The following GPHN variants were observed in gnomAD, a reference collection of about 807,000 sequenced individuals.
The protein encoded by GPHN is gephyrin.
GPHN carries 17 observed loss-of-function variants against 95.5 expected under a neutral mutation model. The ratio of observed to expected loss-of-function variants is 0.18; its 90% confidence interval spans 0.12 to 0.27. GPHN has a LOEUF of 0.27. GPHN is among the 10% of genes least tolerant of loss of function. The pLI is 1.00. For missense variants in GPHN, 660 were observed against 978.1 expected, an observed-to-expected ratio of 0.67 and a Z score of 4.34; for synonymous variants, 320 against 322.5, an observed-to-expected ratio of 0.99 and a Z score of 0.08.
At chr14:67,198,390 G>A in the GPHN span, 1 of 1,400,888 alleles carries the variant, frequency 7.1e-7, no homozygotes, top group East Asian at 2.3e-5. Context: ...AACTGAAAAG[G>A]ATGGTAGGAG....
the GPHN span, among the ~76,000 whole-genome samples, chr14:67,625,537 G>C: frequency 6.6e-6 from 1 of 151,634 alleles, no homozygotes; most frequent in African/African-American, 2.4e-5. Flanking sequence ...AAAATTAGCC[G>C]GGCATGGTGG....
the GPHN span, chr14:67,271,648 A>T: frequency 6.6e-6 from 1 of 152,260 alleles, no homozygotes; most frequent in Non-Finnish European, 1.5e-5. Flanking sequence ...TGTCTTGGGT[A>T]ACTGGATGGA....
At chr14:67,733,272 C>T in the GPHN span, among the ~76,000 whole-genome samples, 2 of 152,098 alleles carry the variant, frequency 1.3e-5, no homozygotes, top group Admixed American at 6.6e-5. Context: ...TGCATCTGTC[C>T]CCAGAATTCA....
the GPHN span, chr14:67,223,703 A>C: frequency 3.1e-6 from 3 of 971,206 alleles, no homozygotes; most frequent in African/African-American, 3.5e-5. Context: ...TGTATTTCTT[A>C]TTTCTTTCCA....
intron 2 of GPHN, among the ~76,000 whole-genome samples, chr14:66,708,164 A>G (rs1385613982): frequency 1.3e-5 from 2 of 152,090 alleles, no homozygotes; most frequent in East Asian, 3.9e-4. Flanking sequence ...ATAGTTCTTC[A>G]AAGGCTCAAG....
At chr14:66,598,629 G>A (rs1595168128) in intron 1 of GPHN, among the ~76,000 whole-genome samples, 1 of 152,042 alleles carries the variant, frequency 6.6e-6, no homozygotes, top group South Asian at 2.1e-4. Context: ...GGCAGATCAC[G>A]AGGTCAGGAG....
chr14:67,218,309 C>T, the GPHN span, among the ~76,000 whole-genome samples: 1 of 152,178 alleles, frequency 6.6e-6, no homozygotes, highest in Non-Finnish European at 1.5e-5. Context: ...GAGCTATGCA[C>T]CAGGGATGTG....
chr14:67,572,833 T>C, the GPHN span, among the ~76,000 whole-genome samples: 1 of 152,316 alleles, frequency 6.6e-6, no homozygotes, highest in Non-Finnish European at 1.5e-5. Context: ...CCTCCAGTCC[T>C]GCCTGGCTGA....
At chr14:67,584,045 C>T in the GPHN span, 2 of 1,613,958 alleles carry the variant, frequency 1.2e-6, no homozygotes, top group Non-Finnish European at 1.7e-6. Context: ...CAAGGATGCT[C>T]CCCTCCTGAG....
intron 13 of GPHN, among the ~76,000 whole-genome samples, chr14:67,102,186 T>G (rs984941375): frequency 3.9e-5 from 6 of 151,946 alleles, no homozygotes; most frequent in African/African-American, 1.4e-4. Flanking sequence ...CATTGTTATG[T>G]TTAAGAGGAA....
At chr14:67,372,063 G>A in the GPHN span, among the ~76,000 whole-genome samples, 1 of 151,958 alleles carries the variant, frequency 6.6e-6, no homozygotes. Flanking sequence ...CCAGGAGTTC[G>A]AGACCAGCCT....
the GPHN span, chr14:67,586,106 G>T: frequency 6.2e-7 from 1 of 1,613,614 alleles, no homozygotes; most frequent in Non-Finnish European, 8.5e-7. Context: ...AGGTAGGTCT[G>T]ACAGCTGTTA....
intron 1 of GPHN, among the ~76,000 whole-genome samples, chr14:66,680,742 T>C (rs1004433232): frequency 6.6e-6 from 1 of 152,140 alleles, no homozygotes; most frequent in African/African-American, 2.4e-5. Context: ...AAAAATATGA[T>C]TTTGTAGTTT....
the GPHN span, chr14:67,199,616 C>A: frequency 6.3e-7 from 1 of 1,586,064 alleles, no homozygotes; most frequent in Non-Finnish European, 8.7e-7. Flanking sequence ...CAAGGGTGAG[C>A]GCCATGGCTT....
intron 2 of GPHN, among the ~76,000 whole-genome samples, chr14:66,761,369 A>G (rs961133790): frequency 2.0e-5 from 3 of 152,256 alleles, no homozygotes; most frequent in Non-Finnish European, 4.4e-5. Context: ...TATTATTTAC[A>G]GTAAAATATT....
chr14:67,272,075 G>A, the GPHN span: 4 of 144,282 alleles, frequency 2.8e-5, no homozygotes, highest in African/African-American at 1.1e-4. Flanking sequence ...AAAAAAAAAA[G>A]TTCAAGGATC....
At chr14:66,783,678 C>T (rs942219403) in intron 3 of GPHN, among the ~76,000 whole-genome samples, 3 of 152,206 alleles carry the variant, frequency 2.0e-5, no homozygotes, top group African/African-American at 7.2e-5. Context: ...CTCCCCAACC[C>T]TTGGTATTAG....
At chr14:67,092,111 T>C (rs1386719622) in intron 12 of GPHN, among the ~76,000 whole-genome samples, 1 of 152,138 alleles carries the variant, frequency 6.6e-6, no homozygotes, top group Non-Finnish European at 1.5e-5. Context: ...TGGCATGGTC[T>C]TAGAACTATG....
chr14:67,357,498 C>T, the GPHN span, among the ~76,000 whole-genome samples: 1,165 of 152,310 alleles, frequency 7.6e-3, 13 homozygotes, highest in African/African-American at 0.025. Flanking sequence ...AGTAGTTTCA[C>T]CTTCATGAGC....
Sources: allele counts gnomAD v4.1 joint callset (sites outside exome capture counted in the v4.1 genomes callset), GRCh38; gene constraint gnomAD v4.1.1; transcripts MANE v1.5; gene names NCBI Gene and HGNC (gene_info 2026-07-23, HGNC 2026-07-21).